ATM: variants seen among roughly 807,000 people sequenced by gnomAD.
ATM encodes the protein serine-protein kinase ATM.
In ATM, 308 loss-of-function variants were observed where a neutral mutation model predicts 387.0. That is an observed-to-expected ratio of 0.80 (90% CI 0.73 to 0.87). The LOEUF (loss-of-function observed/expected upper bound fraction) is 0.87. Among genes scored for constraint, ATM ranks in the 40% least tolerant of loss-of-function variants. The probability of loss-of-function intolerance (pLI) is 0.00; values close to 1 mark genes in which losing one functional copy is unlikely to be tolerated. For synonymous variants in ATM, 1,156 were observed against 1,187.3 expected, an observed-to-expected ratio of 0.97 and a Z score of 0.54; for missense variants, 3,312 against 3,560.9, an observed-to-expected ratio of 0.93 and a Z score of 1.78.
rs876659083 is a variant in ATM at position 108,329,106 on chromosome 11, G to T, written c.7175G>T (p.Arg2392Leu). Residue 2392 changes from arginine (R) to leucine (L), a missense_variant, in exon 49 of 63, where the codon CGG becomes CTG. Around this residue, in one of 4 missense-constraint regions of ATM, gnomAD observed 1,405 missense variants for 1,604.4 expected, o/e 0.88. Coordinates refer to ENST00000675843, the MANE Select transcript of ATM (RefSeq NM_000051.4). Reference protein sequence around the residue: ...GKMKAFLSLARFSDTQYQRIE... With the variant: ...GKMKAFLSLALFSDTQYQRIE... ...ATGAAGGCATTTCTCTCATTAGCCC[G>T]GTTTTCAGATACTCAATACCAAAGA... is the stretch of plus-strand genomic sequence containing the variant. The T allele has an allele frequency of 6.2e-7, 1 of 1,614,000 alleles. No individual in the cohort carries two copies. Among genetic ancestry groups the T allele is most frequent in the Non-Finnish European group, 8.5e-7 (1 of 1,179,984 alleles).
At chr11:108,301,037 T>C (rs1280323410) in intron 34 of ATM, among the ~76,000 whole-genome samples, 1 of 152,118 alleles carries the variant, frequency 6.6e-6, no homozygotes, top group Non-Finnish European at 1.5e-5. Context: ...GCAAAGTTTA[T>C]GTGCTTGAGC....
chr11:108,353,725 A>T (rs2089482890), intron 59 of ATM, 41 bp from the exon 60 acceptor site: 2 of 1,465,244 alleles, frequency 1.4e-6, no homozygotes. Flanking sequence ...AAAGTAAATT[A>T]GCTGTCAAAC....
Position 108,335,017 on chromosome 11 carries a change from A to G in ATM, c.8059A>G (p.Lys2687Glu). 1.2e-6 allele frequency: 2 copies of G among 1,613,900 alleles called. No homozygotes were observed. Among genetic ancestry groups the G allele is most frequent in the South Asian group, 1.1e-5 (1 of 91,070 alleles). ...YGNLVTIQSF[K>E]AEFRLAGGVN... ...AAATCTGGTGACTATACAGTCATTT[A>G]AAGCAGAATTTCGCTTAGCAGGAGG... Residue 2687 changes from lysine (K) to glutamate (E), a missense_variant, in exon 55 of 63, where the codon AAA becomes GAA. Transcript: ENST00000675843.
intron 5 of ATM, among the ~76,000 whole-genome samples, chr11:108,240,422 G>A (rs939577165): frequency 6.6e-6 from 1 of 152,066 alleles, no homozygotes; most frequent in Non-Finnish European, 1.5e-5. Context: ...TTAACAATGT[G>A]GATATGTTCT....
intron 42 of ATM, among the ~76,000 whole-genome samples, chr11:108,316,995 G>A (rs542103089): frequency 3.3e-5 from 5 of 151,738 alleles, no homozygotes; most frequent in East Asian, 2.0e-4. Flanking sequence ...GTGCATTAGC[G>A]TGATCATAGT....
chr11:108,274,885 T>G (rs1034519171), intron 22 of ATM, among the ~76,000 whole-genome samples: 2 of 152,332 alleles, frequency 1.3e-5, no homozygotes, highest in Non-Finnish European at 2.9e-5. Context: ...CTGTTAGGTC[T>G]GCTTGGTCCA....
intron 56 of ATM, among the ~76,000 whole-genome samples, chr11:108,339,569 C>G (rs1236110419): frequency 1.3e-5 from 2 of 151,992 alleles, no homozygotes; most frequent in Admixed American, 6.6e-5. Flanking sequence ...TTGAAATCTT[C>G]CAGAGAGTCT....
intron 42 of ATM, 115 bp downstream of exon 42, chr11:108,316,228 ATCT>A: frequency 9.6e-7 from 1 of 1,041,662 alleles, no homozygotes; most frequent in South Asian, 1.3e-5. Context: ...ACTAGAACTT[ATCT>A]GTTTTTCAGA....
At chr11:108,233,760 T>A (rs146111464) in intron 4 of ATM, among the ~76,000 whole-genome samples, 16 of 152,008 alleles carry the variant, frequency 1.1e-4, no homozygotes, top group African/African-American at 3.9e-4. Flanking sequence ...CATGGGTAGA[T>A]CCCTTAAGTC....
intron 8 of ATM, 115 bp downstream of exon 8, chr11:108,247,242 G>A: frequency 1.1e-6 from 1 of 934,600 alleles, no homozygotes; most frequent in African/African-American, 1.7e-5. Flanking sequence ...AAATGACTCT[G>A]TACATGCAAC....
Position 108,251,820 on chromosome 11 carries a change from C to T in ATM, c.1608-17C>T, listed in dbSNP as rs2135338122. On this transcript the variant is annotated splice_polypyrimidine_tract_variant and intron_variant, in intron 10 of 62. Coordinates refer to ENST00000675843, the MANE Select transcript of ATM (RefSeq NM_000051.4). ...CCAATAGCTTGCTTTTCACAATTGTCCTTTGTTTTGTTATAGTCCTGCAGT... is the reference window on the plus strand; with the variant it reads ...CCAATAGCTTGCTTTTCACAATTGTTCTTTGTTTTGTTATAGTCCTGCAGT... The T allele has an allele frequency of 6.2e-7, 1 of 1,613,288 alleles. No individual in the cohort carries two copies. The highest frequency in any genetic ancestry group is 8.5e-7 in the Non-Finnish European group (1 of 1,179,520).
intron 56 of ATM, among the ~76,000 whole-genome samples, chr11:108,338,209 G>T (rs561135624): frequency 6.6e-6 from 1 of 152,130 alleles, no homozygotes; most frequent in Admixed American, 6.5e-5. Flanking sequence ...AAATTAGCCA[G>T]GCGTGGTGGC....
At chr11:108,227,250 A>G (rs893930124) in intron 1 of ATM, 3 of 191,870 alleles carry the variant, frequency 1.6e-5, no homozygotes, top group Admixed American at 5.6e-5. Flanking sequence ...TGACCTTGTG[A>G]TCCTCCCACC....
chr11:108,307,410 A>C (rs2083775924), intron 37 of ATM, among the ~76,000 whole-genome samples: 1 of 152,062 alleles, frequency 6.6e-6, no homozygotes, highest in Non-Finnish European at 1.5e-5. Context: ...AGCCTCCCAA[A>C]GTGCTGGGAT....
chr11:108,352,496 A>G (rs2089325550), intron 59 of ATM, among the ~76,000 whole-genome samples: 1 of 152,184 alleles, frequency 6.6e-6, no homozygotes, highest in Admixed American at 6.5e-5. Context: ...TTAAGAGGAA[A>G]CCTTCAGCAT....
intron 24 of ATM, among the ~76,000 whole-genome samples, chr11:108,281,562 A>G (rs1037598738): frequency 1.3e-5 from 2 of 152,216 alleles, no homozygotes; most frequent in Non-Finnish European, 2.9e-5. Context: ...TTTTAGAGCT[A>G]TCAGGCTTTT....
intron 56 of ATM, among the ~76,000 whole-genome samples, chr11:108,342,752 CTG>C (rs960069858): frequency 4.8e-4 from 73 of 152,230 alleles, no homozygotes; most frequent in African/African-American, 1.5e-3. Flanking sequence ...CATTTTCTCT[CTG>C]TGAAGATAAT....
rs777541280 is a variant in ATM, at chr11:108,268,543, G to A, written c.2772G>A (p.Arg924=). Residue 924 remains arginine (R), a synonymous_variant, in exon 18 of 63, where the codon CGG becomes CGA. Coordinates refer to ENST00000675843, the MANE Select transcript of ATM (RefSeq NM_000051.4). ...NTVSFRAADI[R]RKLLMLIDSS... ...TGTCCTTTAGGGCAGCTGATATTCG[G>A]AGGAAATTGTTAATGTTAATTGATT... is the stretch of plus-strand genomic sequence containing the variant. 1 of 1,614,096 alleles carries A rather than the reference G, an allele frequency of 6.2e-7. No homozygotes were observed. The highest frequency in any genetic ancestry group is 1.1e-5 in the South Asian group (1 of 91,080).
intron 22 of ATM, 34 bp from the exon 23 acceptor site, chr11:108,279,457 C>T (rs868051621): frequency 3.4e-6 from 5 of 1,461,836 alleles, no homozygotes; most frequent in Middle Eastern, 3.4e-4. Context: ...AATTATTTCA[C>T]TTTTTGTTTG....
Sources: gnomAD v4.1 joint callset for allele counts (sites outside exome capture counted in the v4.1 genomes callset) on GRCh38, gnomAD v4.1.1 for gene constraint, gnomAD v4.1.1 regional missense constraint, MANE v1.5 for transcripts, NCBI Gene and HGNC (gene_info 2026-07-23, HGNC 2026-07-21) for gene names.